The following NYAP2 variants were observed in gnomAD, a reference collection of about 807,000 sequenced individuals.
NYAP2 encodes neuronal tyrosine-phosphorylated phosphoinositide-3-kinase adaptor 2.
NYAP2 carries 23 observed loss-of-function variants against 50.4 expected under a neutral mutation model. That is an observed-to-expected ratio of 0.46 (90% CI 0.33 to 0.65). The LOEUF (loss-of-function observed/expected upper bound fraction) is 0.65. NYAP2 is among the 30% of genes least tolerant of loss of function. NYAP2 has a pLI of 0.02. For synonymous variants in NYAP2, 394 were observed against 365.2 expected (o/e 1.08, Z -0.90); for missense variants, 885 against 861.0 (o/e 1.03, Z -0.35).
At chr2:225,666,864 A>AAC in the NYAP2 span, among the ~76,000 whole-genome samples, 1 of 113,896 alleles carries the variant, frequency 8.8e-6, no homozygotes, top group Admixed American at 8.7e-5. Flanking sequence ...CCACCCCCCC[A>AAC]ACACACACAC....
chr2:225,408,714 A>G (rs1694979733), intron 2 of NYAP2, 150 bp from the exon 3 acceptor site: 2 of 552,154 alleles, frequency 3.6e-6, no homozygotes, highest in Middle Eastern at 4.7e-4. Flanking sequence ...TATTTACTTC[A>G]AATATTGTGG....
intron 4 of NYAP2, among the ~76,000 whole-genome samples, chr2:225,581,561 G>GT (rs1383947259): frequency 6.6e-6 from 1 of 151,958 alleles, no homozygotes; most frequent in African/African-American, 2.4e-5. Context: ...GAGACTTTAG[G>GT]TTTTTTTTCC....
chr2:225,695,085 TAG>T, the NYAP2 span, among the ~76,000 whole-genome samples: 2 of 151,838 alleles, frequency 1.3e-5, no homozygotes, highest in East Asian at 1.9e-4. Context: ...TTCTATTCTT[TAG>T]AGTTTAAGAA....
intron 3 of NYAP2, among the ~76,000 whole-genome samples, chr2:225,452,318 G>A (rs1689667030): frequency 6.6e-6 from 1 of 152,178 alleles, no homozygotes; most frequent in South Asian, 2.1e-4. Context: ...TGTAGGAAGT[G>A]CACTCTTAAG....
intron 2 of NYAP2, among the ~76,000 whole-genome samples, chr2:225,404,016 C>T (rs752408525): frequency 6.6e-6 from 1 of 151,922 alleles, no homozygotes; most frequent in South Asian, 2.1e-4. Flanking sequence ...ACTCTTTGTA[C>T]ACCCTTGATT....
intron 3 of NYAP2, among the ~76,000 whole-genome samples, chr2:225,498,016 T>C (rs1248895319): frequency 1.3e-5 from 2 of 152,198 alleles, no homozygotes; most frequent in African/African-American, 4.8e-5. Context: ...TTTATTCTAC[T>C]GAAGCAAAAT....
At chr2:225,660,775 A>G in the NYAP2 span, among the ~76,000 whole-genome samples, 1 of 152,228 alleles carries the variant, frequency 6.6e-6, no homozygotes, top group Non-Finnish European at 1.5e-5. Context: ...GTAGAAATCT[A>G]TGACAAAATC....
chr2:225,682,119 G>T, the NYAP2 span, among the ~76,000 whole-genome samples: 4 of 152,088 alleles, frequency 2.6e-5, no homozygotes, highest in South Asian at 8.3e-4. Flanking sequence ...CATGCCTTCT[G>T]TAGCCAACTG....
chr2:225,430,021 C>T (rs1437368065), intron 3 of NYAP2, among the ~76,000 whole-genome samples: 1 of 152,170 alleles, frequency 6.6e-6, no homozygotes, highest in African/African-American at 2.4e-5. Flanking sequence ...AACTGATAAA[C>T]TCTGGATTAT....
chr2:225,492,508 A>C (rs921282722), intron 3 of NYAP2, among the ~76,000 whole-genome samples: 2 of 152,214 alleles, frequency 1.3e-5, no homozygotes, highest in Non-Finnish European at 2.9e-5. Flanking sequence ...ATAAATGTAA[A>C]GGGCTCTGAT....
At chr2:225,479,007 A>G (rs910402147) in intron 3 of NYAP2, among the ~76,000 whole-genome samples, 1 of 152,182 alleles carries the variant, frequency 6.6e-6, no homozygotes, top group African/African-American at 2.4e-5. Context: ...TAAGAGATTC[A>G]GCATTATGGT....
At chr2:225,537,732 C>T (rs1471735912) in intron 4 of NYAP2, among the ~76,000 whole-genome samples, 2 of 152,242 alleles carry the variant, frequency 1.3e-5, no homozygotes, top group East Asian at 3.9e-4. Context: ...CATGCCTTCC[C>T]AACAGTCCCC....
At chr2:225,509,520 C>G (rs146778872) in intron 3 of NYAP2, among the ~76,000 whole-genome samples, 1 of 152,312 alleles carries the variant, frequency 6.6e-6, no homozygotes, top group Non-Finnish European at 1.5e-5. Flanking sequence ...TCAAGCAAAC[C>G]TCCCACCTCA....
intron 3 of NYAP2, among the ~76,000 whole-genome samples, chr2:225,505,715 C>T (rs73082977): frequency 0.022 from 3,345 of 152,266 alleles, 110 homozygotes; most frequent in African/African-American, 0.074. Flanking sequence ...TCATTTAGGA[C>T]TTTTCTCAAT....
intron 4 of NYAP2, among the ~76,000 whole-genome samples, chr2:225,530,352 C>T (rs1691231922): frequency 6.6e-6 from 1 of 152,140 alleles, no homozygotes; most frequent in Admixed American, 6.5e-5. Flanking sequence ...CTGAGGCCTC[C>T]ACCCTCATCC....
chr2:225,435,216 G>A (rs1559178838), intron 3 of NYAP2, among the ~76,000 whole-genome samples: 1 of 152,070 alleles, frequency 6.6e-6, no homozygotes. Flanking sequence ...AATAAGCATA[G>A]AAAGTAAATT....
In NYAP2 at chr2:225,589,192, G is replaced by A. The variant is rs1574696277; in HGVS notation, c.1618+6157G>A. ...GTATGTGACCTGCAACATAGAGACT[G>A]TGTGACTTGTACTTCCAAAGGCCAC... On this transcript the variant is annotated intron_variant, in intron 5 of 6. Coordinates refer to ENST00000636099, the Ensembl canonical transcript of NYAP2. Among the ~76,000 whole-genome samples the A allele has an allele frequency of 3.9e-5, 6 of 152,068 alleles. No homozygotes were observed. The South Asian group carries it at 1.2e-3, about 32-fold the overall frequency.
At chr2:225,642,118 G>A (rs1363771395) in intron 6 of NYAP2, among the ~76,000 whole-genome samples, 4 of 152,050 alleles carry the variant, frequency 2.6e-5, no homozygotes, top group African/African-American at 9.7e-5. Flanking sequence ...AGGGAAGGAA[G>A]GACCAAGTGT....
At chr2:225,489,050 T>C (rs1043583277) in intron 3 of NYAP2, among the ~76,000 whole-genome samples, 2 of 152,172 alleles carry the variant, frequency 1.3e-5, no homozygotes, top group East Asian at 1.9e-4. Context: ...TGACTGATGA[T>C]GTCAATGGTC....
Sources: gnomAD v4.1 joint callset for allele counts (sites outside exome capture counted in the v4.1 genomes callset) on GRCh38, gnomAD v4.1.1 for gene constraint, MANE v1.5 for transcripts, NCBI Gene and HGNC (gene_info 2026-07-23, HGNC 2026-07-21) for gene names.